Variants in ALK observed in about 807,000 individuals in gnomAD.
ALK encodes ALK tyrosine kinase receptor.
ALK carries 74 observed loss-of-function variants against 163.1 expected under a neutral mutation model. That is an observed-to-expected ratio of 0.45 (90% CI 0.38 to 0.55). The LOEUF is 0.55. Among genes scored for constraint, ALK ranks in the 20% least tolerant of loss-of-function variants. ALK has a pLI of 0.00. For missense variants in ALK, 2,063 were observed against 2,105.3 expected (o/e 0.98, Z 0.39); for synonymous variants, 960 against 843.2 (o/e 1.14, Z -2.40).
chr2:29,367,043 C>T (rs1215175496), intron 5 of ALK, among the ~76,000 whole-genome samples: 1 of 151,800 alleles, frequency 6.6e-6, no homozygotes, highest in East Asian at 1.9e-4. Context: ...TGAGCTTGGG[C>T]CGTCCTCTTT....
At chr2:29,195,743 TTAAA>T (rs748383862) in intron 28 of ALK, among the ~76,000 whole-genome samples, 47 of 152,262 alleles carry the variant, frequency 3.1e-4, no homozygotes, top group African/African-American at 8.7e-4. Context: ...CAAAATTAAA[TTAAA>T]TAAATAGTGG....
intron 1 of ALK, among the ~76,000 whole-genome samples, chr2:29,775,289 T>G (rs1268755636): frequency 6.6e-6 from 1 of 152,170 alleles, no homozygotes; most frequent in African/African-American, 2.4e-5. Context: ...AGCAAACCAT[T>G]CTTTAACTGG....
At chr2:29,670,046 T>C (rs995872060) in intron 3 of ALK, among the ~76,000 whole-genome samples, 2 of 152,110 alleles carry the variant, frequency 1.3e-5, no homozygotes, top group Admixed American at 1.3e-4. Context: ...TATAAGTGAA[T>C]TGCACGCCAT....
At chr2:29,685,023 T>C (rs182733774) in intron 3 of ALK, among the ~76,000 whole-genome samples, 3 of 152,360 alleles carry the variant, frequency 2.0e-5, no homozygotes, top group Non-Finnish European at 2.9e-5. Context: ...AACTTACTAG[T>C]TCATCTTCGA....
chr2:29,435,569 A>G (rs1447528697), intron 4 of ALK, among the ~76,000 whole-genome samples: 2 of 152,112 alleles, frequency 1.3e-5, no homozygotes, highest in Admixed American at 1.3e-4. Context: ...TTTTCCTGAA[A>G]ACATAAAAAT....
At chr2:29,422,061 C>T (rs1670028524) in intron 4 of ALK, among the ~76,000 whole-genome samples, 2 of 151,480 alleles carry the variant, frequency 1.3e-5, no homozygotes, top group African/African-American at 2.5e-5. Context: ...TCCAGTGAGG[C>T]TCCCTGAGCT....
chr2:29,193,381 A>G lies in ALK; in HGVS notation c.4706T>C (p.Val1569Ala), dbSNP rs1668926110. The G allele has an allele frequency of 3.1e-6, 5 of 1,613,936 alleles. No homozygotes were observed. Among genetic ancestry groups the G allele is most frequent in the Non-Finnish European group, 4.2e-6 (5 of 1,179,910 alleles). Residue 1569 changes from valine (V) to alanine (A), a missense_variant, in exon 29 of 29, where the codon GTA (valine) becomes GCA (alanine). Coordinates refer to ENST00000389048, the MANE Select transcript of ALK (RefSeq NM_004304.5). ...GAAGTGACGTAGCCTGAACAGAGGT[A>G]CCTCCTTCATATTGGCAGTCAGCGA... ...PSSLTANMKE[V>A]PLFRLRHFPC...
chr2:29,873,863 T>G (rs1558528085), intron 1 of ALK, among the ~76,000 whole-genome samples: 1 of 152,000 alleles, frequency 6.6e-6, no homozygotes, highest in East Asian at 1.9e-4. Flanking sequence ...ACCTCCACTC[T>G]GGGCATCAAA....
intron 3 of ALK, among the ~76,000 whole-genome samples, chr2:29,640,576 C>T (rs960576746): frequency 4.6e-5 from 7 of 152,154 alleles, no homozygotes; most frequent in African/African-American, 1.4e-4. Flanking sequence ...GGCCACATTC[C>T]TGTACAGCCT....
At chr2:29,499,995 C>T (rs928028618) in intron 4 of ALK, among the ~76,000 whole-genome samples, 1 of 152,184 alleles carries the variant, frequency 6.6e-6, no homozygotes, top group African/African-American at 2.4e-5. Context: ...CACCCCCATA[C>T]ACTTGGGTCT....
At chr2:29,750,708 G>A (rs1395301949) in intron 1 of ALK, among the ~76,000 whole-genome samples, 2 of 146,166 alleles carry the variant, frequency 1.4e-5, no homozygotes, top group African/African-American at 5.0e-5. Context: ...AGGCAGGCAG[G>A]CAGGAAGGAA....
intron 2 of ALK, among the ~76,000 whole-genome samples, chr2:29,714,880 T>C (rs1055030047): frequency 6.6e-6 from 1 of 152,182 alleles, no homozygotes; most frequent in Admixed American, 6.5e-5. Context: ...CCCACCAACA[T>C]CCTTAAGGGG....
chr2:29,497,008 C>G (rs573865913), intron 4 of ALK, among the ~76,000 whole-genome samples: 1 of 152,188 alleles, frequency 6.6e-6, no homozygotes, highest in African/African-American at 2.4e-5. Flanking sequence ...TGGTGGCTCA[C>G]GCCTGTAATC....
intron 1 of ALK, among the ~76,000 whole-genome samples, chr2:29,859,607 AG>A (rs1666228292): frequency 6.6e-6 from 1 of 152,122 alleles, no homozygotes; most frequent in South Asian, 2.1e-4. Flanking sequence ...TGGCAGAGAA[AG>A]GGGGTCGCTT....
At chr2:29,742,316 C>T (rs182935287) in intron 1 of ALK, among the ~76,000 whole-genome samples, 48 of 152,344 alleles carry the variant, frequency 3.2e-4, no homozygotes, top group Middle Eastern at 3.4e-3. Flanking sequence ...GCGAATGGTG[C>T]TAAGCCCTCT....
intron 4 of ALK, among the ~76,000 whole-genome samples, chr2:29,520,097 AC>A (rs2148147925): frequency 6.6e-6 from 1 of 152,294 alleles, no homozygotes; most frequent in East Asian, 1.9e-4. Flanking sequence ...AATTAGAGGA[AC>A]TAAAAGGCAC....
chr2:29,520,268 C>T (rs1573423634), intron 4 of ALK, among the ~76,000 whole-genome samples: 1 of 152,092 alleles, frequency 6.6e-6, no homozygotes, highest in East Asian at 1.9e-4. Context: ...GGAAGTGAGT[C>T]GTTATGAAGA....
At chr2:29,291,635 G>T (rs546862221) in intron 9 of ALK, among the ~76,000 whole-genome samples, 2 of 152,218 alleles carry the variant, frequency 1.3e-5, no homozygotes, top group Admixed American at 6.5e-5. Flanking sequence ...CAGGCAGTAA[G>T]CACTCAACAA....
chr2:29,511,306 TG>T (rs1672507210), intron 4 of ALK, among the ~76,000 whole-genome samples: 1 of 152,128 alleles, frequency 6.6e-6, no homozygotes, highest in Non-Finnish European at 1.5e-5. Flanking sequence ...CCCTGCTTCC[TG>T]GGGAACCACT....
Sources: allele counts gnomAD v4.1 joint callset (sites outside exome capture counted in the v4.1 genomes callset), GRCh38; gene constraint gnomAD v4.1.1; transcripts MANE v1.5; gene names NCBI Gene and HGNC (gene_info 2026-07-23, HGNC 2026-07-21).